The following PLA2G12B variants were observed in gnomAD, a reference collection of about 807,000 sequenced individuals.
PLA2G12B encodes group XIIB secretory phospholipase A2-like protein.
A neutral mutation model predicts 22.3 loss-of-function variants in PLA2G12B; 19 were observed. That is an observed-to-expected ratio of 0.85 (90% CI 0.60 to 1.25). PLA2G12B has a LOEUF of 1.25. Ranked by LOEUF, PLA2G12B falls within the 50% of genes most tolerant of loss-of-function variation. PLA2G12B has a pLI of 0.00. For synonymous variants in PLA2G12B, 81 were observed against 94.9 expected, an observed-to-expected ratio of 0.85 and a Z score of 0.85; for missense variants, 191 against 246.6, an observed-to-expected ratio of 0.77 and a Z score of 1.51.
At chr10:72,950,738 C>T (rs1387141572) in intron 1 of PLA2G12B, among the ~76,000 whole-genome samples, 1 of 152,166 alleles carries the variant, frequency 6.6e-6, no homozygotes, top group Non-Finnish European at 1.5e-5. Context: ...CCTCAGCCTC[C>T]CAAAGTGCTG....
intron 3 of PLA2G12B, among the ~76,000 whole-genome samples, chr10:72,939,155 T>C (rs1846321543): frequency 6.6e-6 from 1 of 152,200 alleles, no homozygotes; most frequent in African/African-American, 2.4e-5. Flanking sequence ...GTTCTAAAAT[T>C]GACTGTGGGA....
intron 1 of PLA2G12B, among the ~76,000 whole-genome samples, chr10:72,952,312 G>A (rs1376630238): frequency 6.6e-6 from 1 of 152,236 alleles, no homozygotes; most frequent in African/African-American, 2.4e-5. Flanking sequence ...GGGCAAGATG[G>A]TGAGACTCCC....
chr10:72,942,220 A>G (rs1338540590), intron 2 of PLA2G12B, among the ~76,000 whole-genome samples: 1 of 151,734 alleles, frequency 6.6e-6, no homozygotes, highest in Non-Finnish European at 1.5e-5. Flanking sequence ...CTCCAAACAT[A>G]GCCAATTTGG....
intron 1 of PLA2G12B, among the ~76,000 whole-genome samples, chr10:72,953,812 A>G (rs1336322880): frequency 6.6e-6 from 1 of 152,144 alleles, no homozygotes; most frequent in Non-Finnish European, 1.5e-5. Flanking sequence ...AGTCCAGGGG[A>G]CAGCCCCGGG....
intron 1 of PLA2G12B, among the ~76,000 whole-genome samples, chr10:72,943,795 T>G (rs1490322534): frequency 6.6e-6 from 1 of 152,044 alleles, no homozygotes; most frequent in Non-Finnish European, 1.5e-5. Flanking sequence ...ATAGAGAAAG[T>G]GGGGGAAATA....
At chr10:72,940,372 T>C (rs1846340192) in intron 3 of PLA2G12B, among the ~76,000 whole-genome samples, 1 of 152,044 alleles carries the variant, frequency 6.6e-6, no homozygotes, top group African/African-American at 2.4e-5. Flanking sequence ...GAAAAAGAAA[T>C]TATAGAGTCG....
intron 3 of PLA2G12B, among the ~76,000 whole-genome samples, chr10:72,937,628 T>C (rs1244069092): frequency 1.3e-5 from 2 of 152,186 alleles, no homozygotes; most frequent in Non-Finnish European, 1.5e-5. Context: ...TGAATATGGA[T>C]GCAAAATCCT....
intron 3 of PLA2G12B, among the ~76,000 whole-genome samples, chr10:72,938,943 A>G (rs1046727496): frequency 1.3e-5 from 2 of 152,258 alleles, no homozygotes; most frequent in Non-Finnish European, 2.9e-5. Flanking sequence ...AACAGGCAGC[A>G]TGGTCCTGAC....
intron 1 of PLA2G12B, among the ~76,000 whole-genome samples, chr10:72,945,028 C>A (rs1489832604): frequency 1.3e-5 from 2 of 152,108 alleles, no homozygotes; most frequent in Non-Finnish European, 2.9e-5. Flanking sequence ...GCCATGAGCC[C>A]AGCTAAAACG....
At chr10:72,950,321 T>A (rs994869542) in intron 1 of PLA2G12B, among the ~76,000 whole-genome samples, 2 of 152,220 alleles carry the variant, frequency 1.3e-5, no homozygotes, top group South Asian at 4.1e-4. Flanking sequence ...CAGTGGCTGT[T>A]TTCTTTTTTT....
chr10:72,948,032 G>A (rs536894162), intron 1 of PLA2G12B, among the ~76,000 whole-genome samples: 137 of 152,104 alleles, frequency 9.0e-4, no homozygotes, highest in Non-Finnish European at 1.1e-3. Context: ...CTGCCACCAC[G>A]CCCGGCTAAT....
At chr10:72,952,452 G>A (rs1353552974) in intron 1 of PLA2G12B, among the ~76,000 whole-genome samples, 1 of 152,212 alleles carries the variant, frequency 6.6e-6, no homozygotes, top group Admixed American at 6.5e-5. Flanking sequence ...ACCTGGGGTG[G>A]GGCCCAGAGA....
At chr10:72,942,892 T>C (rs994539279) in intron 1 of PLA2G12B, 152 bp from the exon 2 acceptor site, 6 of 645,438 alleles carry the variant, frequency 9.3e-6, no homozygotes, top group Non-Finnish European at 1.6e-5. Flanking sequence ...ATGATGATGA[T>C]GATGATGTCA....
rs749068449 is a variant in PLA2G12B at position 72,954,465 on chromosome 10, G to A, written c.211+10C>T. On this transcript the variant is annotated intron_variant, in intron 1 of 3. Coordinates refer to ENST00000373032, the MANE Select transcript of PLA2G12B (RefSeq NM_032562.5). ...AACAGTTTTTACAGAAAGAGAAACC[G>A]CACACTCACCATATCGGCACCTGTA... The A allele has an allele frequency of 2.0e-5, 32 of 1,613,958 alleles. No individual in the cohort carries two copies. The highest frequency in any genetic ancestry group is 3.3e-5 in the Admixed American group (2 of 59,992).
At chr10:72,952,559 A>G (rs1846549234) in intron 1 of PLA2G12B, among the ~76,000 whole-genome samples, 1 of 152,250 alleles carries the variant, frequency 6.6e-6, no homozygotes, top group Non-Finnish European at 1.5e-5. Context: ...TGTGTCACAA[A>G]GCAAACTACA....
At chr10:72,945,671 G>A (rs1189615441) in intron 1 of PLA2G12B, among the ~76,000 whole-genome samples, 1 of 150,230 alleles carries the variant, frequency 6.7e-6, no homozygotes, top group Non-Finnish European at 1.5e-5. Flanking sequence ...TTTTTCAGAT[G>A]GAATCTCGCT....
chr10:72,954,440 AAC>A, intron 1 of PLA2G12B, 33 bp downstream of exon 1: 1 of 1,613,906 alleles, frequency 6.2e-7, no homozygotes, highest in Non-Finnish European at 8.5e-7. Flanking sequence ...GTCCACCAGC[AAC>A]AGTTTTTACA....
intron 3 of PLA2G12B, 137 bp downstream of exon 3, chr10:72,941,032 T>C (rs1191997323): frequency 1.0e-6 from 1 of 979,482 alleles, no homozygotes; most frequent in Non-Finnish European, 1.4e-6. Context: ...CACCATTTCT[T>C]GCTCAGCCAC....
At chr10:72,949,996 A>C (rs77057067) in intron 1 of PLA2G12B, among the ~76,000 whole-genome samples, 1 of 87,814 alleles carries the variant, frequency 1.1e-5, no homozygotes, top group Non-Finnish European at 1.8e-5. Context: ...AAAATTCCAG[A>C]AAAAAAAAAA....
Sources: allele counts gnomAD v4.1 joint callset (sites outside exome capture counted in the v4.1 genomes callset), GRCh38; gene constraint gnomAD v4.1.1; transcripts MANE v1.5; gene names NCBI Gene and HGNC (gene_info 2026-07-23, HGNC 2026-07-21).